The following SAMD5 variants were observed in gnomAD, a reference collection of about 807,000 sequenced individuals.
The protein encoded by SAMD5 is sterile alpha motif domain-containing protein 5.
A neutral mutation model predicts 11.3 loss-of-function variants in SAMD5; 13 were observed. The observed-to-expected ratio is 1.15, with a 90% CI of 0.75 to 1.83. SAMD5 has a LOEUF of 1.83. Among genes scored for constraint, SAMD5 ranks in the 40% most tolerant of loss-of-function variants. The pLI, the probability that SAMD5 is intolerant of heterozygous loss-of-function variation, is 0.00. For synonymous variants in SAMD5, 129 were observed against 111.3 expected, an observed-to-expected ratio of 1.16 and a Z score of -1.00; for missense variants, 255 against 239.1, an observed-to-expected ratio of 1.07 and a Z score of -0.44.
chr6:147,828,065 C>T, the SAMD5 span, among the ~76,000 whole-genome samples: 2 of 152,064 alleles, frequency 1.3e-5, no homozygotes, highest in Non-Finnish European at 2.9e-5. Context: ...GGATTACAGG[C>T]GTGAGCCACC....
At chr6:147,795,514 C>T in the SAMD5 span, among the ~76,000 whole-genome samples, 5 of 149,788 alleles carry the variant, frequency 3.3e-5, no homozygotes, top group East Asian at 7.9e-4. Flanking sequence ...TGAATAATGT[C>T]GCAATAAACA....
intron 1 of SAMD5, among the ~76,000 whole-genome samples, chr6:147,718,542 A>G (rs1791499765): frequency 6.6e-6 from 1 of 152,220 alleles, no homozygotes; most frequent in Non-Finnish European, 1.5e-5. Flanking sequence ...CTGAAGTAGA[A>G]AAAGAATAGA....
At chr6:147,520,817 T>C (rs1788242303) in intron 1 of SAMD5, among the ~76,000 whole-genome samples, 1 of 152,204 alleles carries the variant, frequency 6.6e-6, no homozygotes, top group African/African-American at 2.4e-5. Flanking sequence ...TGTGAAATGA[T>C]TAAATCAAGC....
the SAMD5 span, among the ~76,000 whole-genome samples, chr6:147,772,926 A>G: frequency 6.6e-6 from 1 of 152,208 alleles, no homozygotes; most frequent in Non-Finnish European, 1.5e-5. Context: ...CATAGGCAGT[A>G]AGTAAGCACT....
At chr6:147,714,937 G>A (rs1252075148) in intron 1 of SAMD5, among the ~76,000 whole-genome samples, 7 of 152,146 alleles carry the variant, frequency 4.6e-5, no homozygotes, top group African/African-American at 1.4e-4. Context: ...CCTGATGATT[G>A]TTTACCAAAT....
At chr6:147,655,932 A>T (rs1388038693) in intron 1 of SAMD5, among the ~76,000 whole-genome samples, 1 of 152,226 alleles carries the variant, frequency 6.6e-6, no homozygotes, top group African/African-American at 2.4e-5. Context: ...CAACAAGGTT[A>T]TAGCAGTTAT....
chr6:147,662,170 G>C (rs1003154651), intron 1 of SAMD5, among the ~76,000 whole-genome samples: 2 of 152,074 alleles, frequency 1.3e-5, no homozygotes, highest in African/African-American at 4.8e-5. Flanking sequence ...TTGGTGTAAT[G>C]ATCTGAATTA....
the SAMD5 span, among the ~76,000 whole-genome samples, chr6:147,802,334 G>GTCAGTTTTAGACTTATGAAT: frequency 6.6e-6 from 1 of 151,450 alleles, no homozygotes. Context: ...GGTCATTAAA[G>GTCAGTTTTAGACTTATGAAT]AAATGCAAGA....
the SAMD5 span, among the ~76,000 whole-genome samples, chr6:147,824,731 T>G: frequency 6.6e-6 from 1 of 152,200 alleles, no homozygotes; most frequent in African/African-American, 2.4e-5. Context: ...CACCCCAATT[T>G]TACTTACATA....
the SAMD5 span, among the ~76,000 whole-genome samples, chr6:147,768,246 C>G: frequency 6.6e-6 from 1 of 152,148 alleles, no homozygotes; most frequent in Non-Finnish European, 1.5e-5. Flanking sequence ...ACCTGTAATT[C>G]CAGCACTTTG....
intron 1 of SAMD5, among the ~76,000 whole-genome samples, chr6:147,650,410 T>G (rs1236353509): frequency 6.6e-6 from 1 of 152,142 alleles, no homozygotes; most frequent in Admixed American, 6.5e-5. Context: ...CAACAGAGCA[T>G]ATGGGAATTG....
At chr6:147,800,748 A>C in the SAMD5 span, among the ~76,000 whole-genome samples, 5 of 118,942 alleles carry the variant, frequency 4.2e-5, no homozygotes, top group African/African-American at 1.6e-4. Context: ...AATAGCACTA[A>C]TAATAATAGT....
At chr6:147,805,165 T>C in the SAMD5 span, among the ~76,000 whole-genome samples, 1 of 152,360 alleles carries the variant, frequency 6.6e-6, no homozygotes, top group East Asian at 1.9e-4. Context: ...CCCAGTTATA[T>C]GAGTCTAACA....
At chr6:147,826,753 C>G in the SAMD5 span, among the ~76,000 whole-genome samples, 48 of 152,134 alleles carry the variant, frequency 3.2e-4, no homozygotes, top group South Asian at 8.3e-4. Context: ...GTGCTATTGC[C>G]CTGCAGGAGA....
At chr6:147,551,814 A>ATATATATATATATATATATATGT (rs1562318578) in intron 1 of SAMD5, among the ~76,000 whole-genome samples, 1 of 50,486 alleles carries the variant, frequency 2.0e-5, no homozygotes, top group Non-Finnish European at 3.4e-5. Context: ...TATATATGTT[A>ATATATATATATATATATATATGT]TATATATATA....
the SAMD5 span, among the ~76,000 whole-genome samples, chr6:147,768,132 T>G: frequency 6.6e-6 from 1 of 152,188 alleles, no homozygotes; most frequent in East Asian, 1.9e-4. Flanking sequence ...TATAATGCCA[T>G]TTTTGGTGAT....
the SAMD5 span, among the ~76,000 whole-genome samples, chr6:147,951,561 A>T: frequency 6.6e-5 from 10 of 152,360 alleles, 1 homozygote; most frequent in African/African-American, 2.4e-4. Context: ...CGAGAGAAGC[A>T]CATCAAAATG....
chr6:147,576,828 G>T (rs1445309023), intron 1 of SAMD5, among the ~76,000 whole-genome samples: 1 of 152,182 alleles, frequency 6.6e-6, no homozygotes, highest in Non-Finnish European at 1.5e-5. Context: ...CACATATTTG[G>T]TGACTGAAAT....
At chr6:147,583,567 G>T (rs983316261) in intron 1 of SAMD5, among the ~76,000 whole-genome samples, 1 of 152,140 alleles carries the variant, frequency 6.6e-6, no homozygotes, top group African/African-American at 2.4e-5. Flanking sequence ...AGCTGACTCT[G>T]ATATGCCTGG....
Sources: gnomAD v4.1 joint callset for allele counts (sites outside exome capture counted in the v4.1 genomes callset) on GRCh38, gnomAD v4.1.1 for gene constraint, MANE v1.5 for transcripts, NCBI Gene and HGNC (gene_info 2026-07-23, HGNC 2026-07-21) for gene names.